Variants in ARV1 observed in about 807,000 individuals in gnomAD.
ARV1 encodes the protein ARV1 fatty acid homeostasis modulator, also known as protein ARV1.
A neutral mutation model predicts 31.1 loss-of-function variants in ARV1; 26 were observed. The observed-to-expected ratio is 0.84, with a 90% CI of 0.61 to 1.16. The LOEUF is 1.16. Among genes scored for constraint, ARV1 ranks in the 50% most tolerant of loss-of-function variants. The pLI is 0.00. For missense variants in ARV1, 281 were observed against 324.9 expected (o/e 0.86, Z 1.04); for synonymous variants, 117 against 123.2 (o/e 0.95, Z 0.34).
chr1:230,979,495 G>A lies in ARV1; in HGVS notation c.174+216G>A, dbSNP rs533040282. The A allele has an allele frequency of 2.0e-5, 11 of 540,598 alleles. No individual in the cohort carries two copies. In the African/African-American group the frequency reaches 2.2e-4, roughly 11 times the overall value. 33.5% of individuals were successfully genotyped at this position (540,598 alleles called of 1,614,324 possible). ...TTTGGGTGATATGACCTAAGCCGGC[G>A]AACGGACCGGACCGACAGACAGAGG... is the stretch of plus-strand genomic sequence containing the variant. On this transcript the variant is annotated intron_variant, in intron 1 of 5. Coordinates refer to ENST00000310256, the MANE Select transcript of ARV1 (RefSeq NM_022786.3).
intron 2 of ARV1, among the ~76,000 whole-genome samples, chr1:230,989,337 A>G (rs1343047657): frequency 6.6e-6 from 1 of 152,052 alleles, no homozygotes; most frequent in South Asian, 2.1e-4. Context: ...GAGGTTCGCC[A>G]TGTTGACCAG....
chr1:230,992,377 C>A (rs1200308666), intron 3 of ARV1, among the ~76,000 whole-genome samples: 1 of 152,148 alleles, frequency 6.6e-6, no homozygotes, highest in African/African-American at 2.4e-5. Flanking sequence ...CTCCTGCATA[C>A]CCCTCAAGAG....
chr1:230,996,488 C>A lies in ARV1; in HGVS notation c.673+504C>A, dbSNP rs145167855. On this transcript the variant is annotated intron_variant, in intron 4 of 5. Coordinates refer to ENST00000310256, the MANE Select transcript of ARV1 (RefSeq NM_022786.3). The stretch of plus-strand genomic sequence containing the variant: ...TTGAGATAGGGTGTCACTTGGTCAC[C>A]CAGGCTAGAGTGCAGTGATGTGATC... 1.4e-4 allele frequency among the ~76,000 whole-genome samples: 21 copies of A among 151,916 alleles called. No individual in the cohort carries two copies. In the South Asian group the frequency reaches 2.9e-3, roughly 21 times the overall value.
intron 3 of ARV1, among the ~76,000 whole-genome samples, chr1:230,993,131 C>T (rs1391841811): frequency 6.6e-6 from 1 of 152,088 alleles, no homozygotes; most frequent in Non-Finnish European, 1.5e-5. Context: ...TGCTCTGTCA[C>T]CGAGGCTAGG....
chr1:230,979,246 C>G lies in ARV1; in HGVS notation c.141C>G (p.Asp47Glu). ...AGGAGGCCAAAGAGTTGTACCGAGACTATAACCACGGTGTGCTGAAGATAA... is the reference window on the plus strand; with the variant it reads ...AGGAGGCCAAAGAGTTGTACCGAGAGTATAACCACGGTGTGCTGAAGATAA... Reference protein sequence around the residue: ...CNQEAKELYRDYNHGVLKITI... With the variant: ...CNQEAKELYREYNHGVLKITI... The change falls in exon 1 of 6, where the codon GAC becomes GAG. Residue 47 changes from aspartate (D) to glutamate (E), a missense_variant. Asp to Glu is a conservative substitution (Grantham distance 45). Transcript: ENST00000310256. The G allele has an allele frequency of 1.2e-6, 2 of 1,613,252 alleles. No individual in the cohort carries two copies. The highest frequency in any genetic ancestry group is 1.7e-6 in the Non-Finnish European group (2 of 1,179,606).
chr1:230,995,671 C>A, intron 3 of ARV1, 89 bp from the exon 4 acceptor site: 1 of 920,466 alleles, frequency 1.1e-6, no homozygotes, highest in Non-Finnish European at 1.6e-6. Context: ...AGCTGATAAG[C>A]TGTATTTTAG....
At chr1:230,983,551 A>T (rs1247986560) in intron 1 of ARV1, among the ~76,000 whole-genome samples, 2 of 152,148 alleles carry the variant, frequency 1.3e-5, no homozygotes, top group African/African-American at 4.8e-5. Flanking sequence ...TTCCTTCAGC[A>T]CTACAGCATT....
intron 1 of ARV1, among the ~76,000 whole-genome samples, chr1:230,980,763 C>CA (rs35414845): frequency 0.31 from 43,559 of 138,356 alleles, 6,818 homozygotes; most frequent in East Asian, 0.52. Flanking sequence ...CTTCTTCCAT[C>CA]AAAAAAAAAA....
At chr1:230,997,859 T>A (rs1184630661) in intron 5 of ARV1, among the ~76,000 whole-genome samples, 1 of 152,176 alleles carries the variant, frequency 6.6e-6, no homozygotes, top group Non-Finnish European at 1.5e-5. Context: ...AGCAGCCACC[T>A]CTGCCAGTGC....
chr1:230,985,067 T>C (rs1057078183), intron 1 of ARV1, among the ~76,000 whole-genome samples: 2 of 150,098 alleles, frequency 1.3e-5, no homozygotes, highest in African/African-American at 4.9e-5. Flanking sequence ...CTTACTTACA[T>C]GAGAAGCAAA....
intron 5 of ARV1, 102 bp from the exon 6 acceptor site, chr1:231,000,036 G>A (rs1326192346): frequency 2.0e-5 from 3 of 152,122 alleles, no homozygotes; most frequent in Non-Finnish European, 4.4e-5. Flanking sequence ...GGCATGCCTT[G>A]GGTTCCTTTG....
In ARV1 at chr1:230,990,218, G is replaced by A; in HGVS notation, c.403G>A (p.Ala135Thr). The A allele has an allele frequency of 6.2e-7, 1 of 1,613,002 alleles. No individual in the cohort carries two copies. The highest frequency in any genetic ancestry group is 1.1e-5 in the South Asian group (1 of 90,778). Reference sequence around the variant, plus strand: ...TGCCCCTGATGACTTGATCAGATATGCTAAGGAATGGGATTTCTATAGAAT... The same window carrying A: ...TGCCCCTGATGACTTGATCAGATATACTAAGGAATGGGATTTCTATAGAAT... ...NTAPDDLIRYAKEWDFYRMFA... is the reference protein window; with the variant it reads ...NTAPDDLIRYTKEWDFYRMFA... Residue 135 changes from alanine (A) to threonine (T), a missense_variant, in exon 3 of 6, where the codon GCT becomes ACT. Transcript: ENST00000310256.
intron 1 of ARV1, among the ~76,000 whole-genome samples, chr1:230,980,495 C>G (rs1678850476): frequency 6.6e-6 from 1 of 151,978 alleles, no homozygotes; most frequent in African/African-American, 2.4e-5. Flanking sequence ...CACCACCACG[C>G]CGGGCTAATT....
chr1:230,983,840 G>A (rs1349541142), intron 1 of ARV1, among the ~76,000 whole-genome samples: 1 of 152,208 alleles, frequency 6.6e-6, no homozygotes, highest in Admixed American at 6.5e-5. Flanking sequence ...TGGTCCTTGC[G>A]TTGTAGGGAT....
At chr1:230,981,163 A>T (rs985438167) in intron 1 of ARV1, among the ~76,000 whole-genome samples, 1 of 152,072 alleles carries the variant, frequency 6.6e-6, no homozygotes, top group Non-Finnish European at 1.5e-5. Context: ...CCTCTTAATC[A>T]TGGTGTATTC....
At chr1:230,991,744 G>C (rs1019503356) in intron 3 of ARV1, among the ~76,000 whole-genome samples, 5 of 150,290 alleles carry the variant, frequency 3.3e-5, no homozygotes, top group African/African-American at 1.2e-4. Context: ...CAGTTCTCCT[G>C]CCTTAGCCTC....
At chr1:230,980,933 C>A (rs948854715) in intron 1 of ARV1, among the ~76,000 whole-genome samples, 1 of 152,154 alleles carries the variant, frequency 6.6e-6, no homozygotes, top group African/African-American at 2.4e-5. Context: ...CATTCCCACC[C>A]GCATTTCATT....
chr1:230,986,944 A>G (rs1679098941), intron 1 of ARV1, among the ~76,000 whole-genome samples: 1 of 152,182 alleles, frequency 6.6e-6, no homozygotes, highest in Non-Finnish European at 1.5e-5. Context: ...TTGCACAGGT[A>G]GAAGATTCAT....
intron 1 of ARV1, among the ~76,000 whole-genome samples, chr1:230,982,877 C>G (rs981217780): frequency 1.3e-4 from 20 of 152,144 alleles, no homozygotes; most frequent in African/African-American, 4.6e-4. Flanking sequence ...TAAGTGGTTA[C>G]TCATATATAC....
Sources: allele counts gnomAD v4.1 joint callset (sites outside exome capture counted in the v4.1 genomes callset), GRCh38; gene constraint gnomAD v4.1.1; transcripts MANE v1.5; gene names NCBI Gene and HGNC (gene_info 2026-07-23, HGNC 2026-07-21).